Variants in CRNN observed in about 807,000 individuals in gnomAD.
The protein encoded by CRNN is cornulin, also known as 53 kDa putative calcium-binding protein.
Under a neutral mutation model 44.7 loss-of-function variants are expected in CRNN, and 39 were observed. The ratio of observed to expected loss-of-function variants is 0.87; its 90% CI spans 0.68 to 1.14. The LOEUF is 1.14. Among genes scored for constraint, CRNN ranks in the 50% most tolerant of loss-of-function variants. The pLI, the probability that CRNN is intolerant of heterozygous loss-of-function variation, is 0.00. For missense variants in CRNN, 606 were observed against 605.1 expected (o/e 1.00, Z -0.02); for synonymous variants, 240 against 231.8 (o/e 1.04, Z -0.32).
rs549270162 is a variant in CRNN at position 152,409,522 on chromosome 1, A to C, written c.*72T>G. 6.5e-7 allele frequency: 1 copy of C among 1,538,142 alleles called. No individual in the cohort carries two copies. The highest frequency in any genetic ancestry group is 1.3e-5 in the South Asian group (1 of 77,488). On this transcript the variant is annotated 3_prime_UTR_variant, in exon 3 of 3. Transcript: ENST00000271835. ...TGATGTCCAGGGATGCACCCACTGG[A>C]TTGGCCATGCAGGACAAGCCAAACT...
At chr1:152,411,430 A>G (rs1380124253) in intron 2 of CRNN, among the ~76,000 whole-genome samples, 2 of 152,316 alleles carry the variant, frequency 1.3e-5, no homozygotes, top group East Asian at 3.9e-4. Context: ...GGGCCCCTGC[A>G]GCGCTGCCCT....
chr1:152,412,283 A>G (rs7521839), intron 1 of CRNN, 37 bp from the exon 2 acceptor site: 277,342 of 1,579,250 alleles, frequency 0.18, 28,286 homozygotes, highest in East Asian at 0.41. Context: ...AGGCTCCATA[A>G]TCAACCTCAG....
rs772353204 is a variant in CRNN, at chr1:152,410,066, C to G, written c.1016G>C (p.Ser339Thr). 3.7e-6 allele frequency: 6 copies of G among 1,613,912 alleles called. No homozygotes were observed. The African/African-American group carries it at 4.0e-5, about 11-fold the overall frequency. The change falls in exon 3 of 3, where the codon AGC becomes ACC. Residue 339 changes from serine to threonine, a missense_variant. Coordinates refer to ENST00000271835, the MANE Select transcript of CRNN (RefSeq NM_016190.3). ...AGTGTGTCCTCCTGTCACAGCCTGG[C>G]TGGTCTGGCTCCTGCCTTGACCGTG... is the stretch of plus-strand genomic sequence containing the variant. Reference protein sequence around the residue: ...EIHGQGRSQTSQAVTGGHTQI... With the variant: ...EIHGQGRSQTTQAVTGGHTQI...
In CRNN at chr1:152,409,979, T is replaced by C. The variant is rs770688174; in HGVS notation, c.1103A>G (p.His368Arg). 1.9e-6 allele frequency: 3 copies of C among 1,614,148 alleles called. No individual in the cohort carries two copies. The highest frequency in any genetic ancestry group is 2.5e-6 in the Non-Finnish European group (3 of 1,180,030). The change falls in exon 3 of 3, where the codon CAC becomes CGC. Residue 368 changes from histidine (H) to arginine (R), a missense_variant. Physicochemically the swap from His to Arg is conservative, Grantham distance 29 (BLOSUM62 0). Coordinates refer to ENST00000271835, the MANE Select transcript of CRNN (RefSeq NM_016190.3). ...VEQDRSQTVS[H>R]GGAREQGQTQ... ...CTGTCCCTGTTCTCTAGCCCCTCCG[T>C]GGCTTACAGTTTGGCTTCTGTCCTG...
chr1:152,412,320 C>G, intron 1 of CRNN, 74 bp from the exon 2 acceptor site: 1 of 1,441,040 alleles, frequency 6.9e-7, no homozygotes, highest in Non-Finnish European at 9.5e-7. Context: ...ACGTCTGCTG[C>G]TAGGTCTTTC....
At chr1:152,412,013 A>G in intron 2 of CRNN, 83 bp downstream of exon 2, 1 of 1,319,102 alleles carries the variant, frequency 7.6e-7, no homozygotes, top group Non-Finnish European at 9.8e-7. Flanking sequence ...GCCTCCTCAA[A>G]TTCCCCAGGC....
intron 1 of CRNN, among the ~76,000 whole-genome samples, chr1:152,414,013 C>T (rs1655840404): frequency 6.6e-6 from 1 of 152,236 alleles, no homozygotes; most frequent in South Asian, 2.1e-4. Flanking sequence ...GTGAGAGGAG[C>T]TGCTCCCAGG....
At chr1:152,413,838 G>T (rs530746008) in intron 1 of CRNN, among the ~76,000 whole-genome samples, 2 of 152,336 alleles carry the variant, frequency 1.3e-5, no homozygotes, top group South Asian at 4.1e-4. Context: ...CTTCATCCAT[G>T]ACACAGTTTG....
intron 1 of CRNN, among the ~76,000 whole-genome samples, 178 bp from the exon 2 acceptor site, chr1:152,412,424 G>A (rs543757774): frequency 6.6e-6 from 1 of 152,276 alleles, no homozygotes; most frequent in Non-Finnish European, 1.5e-5. Flanking sequence ...GATGGAGGCA[G>A]GTTCCTGAGT....
chr1:152,409,883 G>A lies in CRNN; in HGVS notation c.1199C>T (p.Pro400Leu), dbSNP rs200128647. The change falls in exon 3 of 3, where the codon CCG becomes CTG. Residue 400 changes from proline to leucine, a missense_variant. Physicochemically the swap from Pro to Leu is moderately conservative, Grantham distance 98. Transcript: ENST00000271835. ...VSNPEAGETV[P>L]GGQAQTGAST... ...TGCCCCAGTCTGGGCCTGTCCTCCC[G>A]GTACTGTCTCTCCTGCCTCAGGGTT... 1.7e-5 allele frequency: 27 copies of A among 1,614,162 alleles called. No homozygotes were observed. The highest frequency in any genetic ancestry group is 1.0e-4 in the Admixed American group (6 of 60,012).
In CRNN at chr1:152,413,750, T is replaced by C. The variant is rs542312406; in HGVS notation, c.-14+464A>G. 2.6e-5 allele frequency among the ~76,000 whole-genome samples: 4 copies of C among 152,162 alleles called. No individual in the cohort carries two copies. The East Asian group carries it at 7.7e-4, about 29-fold the overall frequency. ...TAATAAGATGACCTTTTAGTTACATTTTAGATTCCTTAGAAAAATCTACAC... is the reference window on the plus strand; with the variant it reads ...TAATAAGATGACCTTTTAGTTACATCTTAGATTCCTTAGAAAAATCTACAC... On this transcript the variant is annotated intron_variant, in intron 1 of 2. Coordinates refer to ENST00000271835, the MANE Select transcript of CRNN (RefSeq NM_016190.3).
At position 152,409,977 on chromosome 1, in the gene CRNN, C is replaced by G. The variant is rs369635124; in HGVS notation, c.1105G>C (p.Gly369Arg). 4.3e-6 allele frequency: 7 copies of G among 1,613,810 alleles called. No homozygotes were observed. The highest frequency in any genetic ancestry group is 5.9e-6 in the Non-Finnish European group (7 of 1,179,992). ...GTCTGTCCCTGTTCTCTAGCCCCTCCGTGGCTTACAGTTTGGCTTCTGTCC... is the reference window on the plus strand; with the variant it reads ...GTCTGTCCCTGTTCTCTAGCCCCTCGGTGGCTTACAGTTTGGCTTCTGTCC... The part of the protein sequence containing the change: ...EQDRSQTVSH[G>R]GAREQGQTQT... The change falls in exon 3 of 3, where the codon GGA (glycine) becomes CGA (arginine). Residue 369 changes from glycine (G) to arginine (R), a missense_variant. Gly to Arg is a moderately radical substitution (Grantham distance 125). Coordinates refer to ENST00000271835, the MANE Select transcript of CRNN (RefSeq NM_016190.3).
In CRNN at chr1:152,410,390, C is replaced by T; in HGVS notation, c.692G>A (p.Gly231Glu). ...HQTGETVTGS[G>E]TQTQAGATQT... ...GGTGGCACCTGCCTGGGTCTGAGTT[C>T]CAGATCCAGTCACAGTCTCACCTGT... Residue 231 changes from glycine (G) to glutamate (E), a missense_variant, in exon 3 of 3, where the codon GGA (glycine) becomes GAA (glutamate). Transcript: ENST00000271835. The T allele has an allele frequency of 6.2e-7, 1 of 1,614,074 alleles. No individual in the cohort carries two copies. Among genetic ancestry groups the T allele is most frequent in the East Asian group, 2.2e-5 (1 of 44,880 alleles).
At chr1:152,411,992 G>A (rs1488640072) in intron 2 of CRNN, 104 bp downstream of exon 2, 7 of 1,301,824 alleles carry the variant, frequency 5.4e-6, no homozygotes, top group African/African-American at 1.6e-5. Flanking sequence ...GCAGGCCTGG[G>A]TTTAGCTGCT....
chr1:152,410,571 C>G lies in CRNN; in HGVS notation c.511G>C (p.Ala171Pro). The G allele has an allele frequency of 6.2e-7, 1 of 1,614,154 alleles. No individual in the cohort carries two copies. Among genetic ancestry groups the G allele is most frequent in the Non-Finnish European group, 8.5e-7 (1 of 1,180,028 alleles). The change falls in exon 3 of 3, where the codon GCT becomes CCT. Residue 171 changes from alanine to proline, a missense_variant. By Grantham distance (27) the Ala-to-Pro change is conservative. Coordinates refer to ENST00000271835, the MANE Select transcript of CRNN (RefSeq NM_016190.3). Reference protein sequence around the residue: ...SAWVSSYDRQAESQSQERISP... With the variant: ...SAWVSSYDRQPESQSQERISP... ...ATTCTTTCCTGGCTCTGGGACTCAG[C>G]TTGCCTGTCATAGCTGCTGACCCAC...
At chr1:152,412,457 C>T (rs1221185813) in intron 1 of CRNN, among the ~76,000 whole-genome samples, 1 of 152,146 alleles carries the variant, frequency 6.6e-6, no homozygotes, top group Admixed American at 6.5e-5. Context: ...CTGGCCCCAC[C>T]ACTTAAGTAT....
intron 2 of CRNN, among the ~76,000 whole-genome samples, chr1:152,411,254 ACTGT>A (rs1270834469): frequency 2.0e-5 from 3 of 152,198 alleles, no homozygotes; most frequent in Non-Finnish European, 4.4e-5. Flanking sequence ...TCTCAAGTTG[ACTGT>A]CTGGGCTGCC....
At position 152,409,715 on chromosome 1, in the gene CRNN, T is replaced by G. The variant is rs780698319; in HGVS notation, c.1367A>C (p.Asp456Ala). The G allele has an allele frequency of 1.9e-6, 3 of 1,614,210 alleles. No individual in the cohort carries two copies. Among genetic ancestry groups the G allele is most frequent in the South Asian group, 2.2e-5 (2 of 91,084 alleles). The change falls in exon 3 of 3, where the codon GAC becomes GCC. Residue 456 changes from aspartate (D) to alanine (A), a missense_variant. Transcript: ENST00000271835. ...AACACTGGTATGCAAGTTGCCCTGG[T>G]CCAGCCTGAGGATCACTGTCTCCCT... ...HSRETVILRL[D>A]QGNLHTSVSS... is the part of the protein sequence containing the mutation.
In CRNN at chr1:152,409,783, T is replaced by C; in HGVS notation, c.1299A>G (p.Arg433=). Residue 433 remains arginine (R), a synonymous_variant, in exon 3 of 3, where the codon AGA becomes AGG. Coordinates refer to ENST00000271835, the MANE Select transcript of CRNN (RefSeq NM_016190.3). ...RRCVTEGQGD[R]QPTVVGEEWV... ...ATTCCTCACCAACCACTGTGGGCTGTCTGTCTCCCTGCCCTTCTGTCACAC... is the reference window on the plus strand; with the variant it reads ...ATTCCTCACCAACCACTGTGGGCTGCCTGTCTCCCTGCCCTTCTGTCACAC... 1 of 1,614,206 alleles carries C rather than the reference T, an allele frequency of 6.2e-7. No homozygotes were observed. The highest frequency in any genetic ancestry group is 2.2e-5 in the East Asian group (1 of 44,878).
Sources: gnomAD v4.1 joint callset for allele counts (sites outside exome capture counted in the v4.1 genomes callset) on GRCh38, gnomAD v4.1.1 for gene constraint, MANE v1.5 for transcripts, NCBI Gene and HGNC (gene_info 2026-07-23, HGNC 2026-07-21) for gene names.